PRIM2: variants seen among roughly 807,000 people sequenced by gnomAD.
PRIM2 encodes the protein DNA primase large subunit.
In PRIM2, 39 loss-of-function variants were observed where a neutral mutation model predicts 67.3. That is an observed-to-expected ratio of 0.58 (90% CI 0.45 to 0.76). The LOEUF is 0.76. PRIM2 is among the 30% of genes least tolerant of loss of function. The pLI, the probability that PRIM2 is intolerant of heterozygous loss-of-function variation, is 0.00. For synonymous variants in PRIM2, 143 were observed against 198.7 expected, an observed-to-expected ratio of 0.72 and a Z score of 2.36; for missense variants, 398 against 598.7, an observed-to-expected ratio of 0.66 and a Z score of 3.50.
intron 7 of PRIM2, among the ~76,000 whole-genome samples, chr6:57,395,519 G>C (rs12174210): frequency 1.6e-4 from 25 of 151,992 alleles, no homozygotes; most frequent in African/African-American, 5.8e-4. Context: ...CTCCTGTTTT[G>C]TTTCTTAGTT....
the PRIM2 span, among the ~76,000 whole-genome samples, chr6:57,235,428 C>A: frequency 6.7e-6 from 1 of 149,870 alleles, no homozygotes; most frequent in Non-Finnish European, 1.5e-5. Flanking sequence ...CGCGCCACTG[C>A]GCTCCAGCCT....
At chr6:57,292,772 A>G in the PRIM2 span, among the ~76,000 whole-genome samples, 1 of 152,228 alleles carries the variant, frequency 6.6e-6, no homozygotes, top group East Asian at 1.9e-4. Context: ...GTGCTGGGAA[A>G]ACTGGCTAGT....
At position 57,645,456 on chromosome 6, in the gene PRIM2, T is replaced by G. The variant is rs1284352649; in HGVS notation, c.1300-472T>G. 1.5e-3 allele frequency among the ~76,000 whole-genome samples: 221 copies of G among 151,672 alleles called. 1 individual carries two copies. Among genetic ancestry groups the G allele is most frequent in the African/African-American group, 5.1e-3 (211 of 41,278 alleles). On this transcript the variant is annotated intron_variant, in intron 13 of 13. Coordinates refer to ENST00000615550, the MANE Select transcript of PRIM2 (RefSeq NM_000947.5). ...CCAGAATTGGTAATGTTTTGGGTAT[T>G]GCCAGAATTGAGGGCTTGGTGTAGA...
At chr6:57,613,079 AC>A (rs1175044545) in intron 12 of PRIM2, among the ~76,000 whole-genome samples, 2 of 151,984 alleles carry the variant, frequency 1.3e-5, no homozygotes, top group Non-Finnish European at 1.5e-5. Context: ...ATAGACATGA[AC>A]CACTTAATTT....
At position 57,601,194 on chromosome 6, in the gene PRIM2, T is replaced by G; in HGVS notation, c.1122T>G (p.Asn374Lys). 6.2e-7 allele frequency: 1 copy of G among 1,610,234 alleles called. No homozygotes were observed. The highest frequency in any genetic ancestry group is 8.5e-7 in the Non-Finnish European group (1 of 1,178,398). ...PFSCLKIILS[N>K]PPSQGDYHGC... is the part of the protein sequence containing the mutation. ...GTTGCCTGAAGATTATTCTGTCCAA[T>G]CCACCAAGCCAAGGGGATTATCATG... Residue 374 changes from asparagine to lysine, a missense_variant, in exon 11 of 14, where the codon AAT (asparagine) becomes AAG (lysine). Coordinates refer to ENST00000615550, the MANE Select transcript of PRIM2 (RefSeq NM_000947.5).
intron 7 of PRIM2, among the ~76,000 whole-genome samples, chr6:57,494,703 A>G (rs1773967833): frequency 6.6e-6 from 1 of 152,194 alleles, no homozygotes; most frequent in South Asian, 2.1e-4. Flanking sequence ...TAAAAAGGAG[A>G]TGGAAAAAGG....
chr6:57,241,027 A>G, the PRIM2 span, among the ~76,000 whole-genome samples: 2 of 152,030 alleles, frequency 1.3e-5, no homozygotes, highest in Non-Finnish European at 2.9e-5. Context: ...GATCGAGACC[A>G]TCCTGGCTAA....
intron 7 of PRIM2, among the ~76,000 whole-genome samples, chr6:57,413,344 T>C (rs1284108202): frequency 6.6e-6 from 1 of 151,936 alleles, no homozygotes; most frequent in African/African-American, 2.4e-5. Flanking sequence ...ATAAACTTGG[T>C]ATATAACTTT....
the PRIM2 span, among the ~76,000 whole-genome samples, chr6:57,307,399 A>G: frequency 2.7e-5 from 4 of 150,766 alleles, no homozygotes; most frequent in Non-Finnish European, 4.4e-5. Context: ...GACTATAGGC[A>G]CCCGCCACCA....
At chr6:57,411,158 T>C (rs1195753793) in intron 7 of PRIM2, among the ~76,000 whole-genome samples, 1 of 151,940 alleles carries the variant, frequency 6.6e-6, no homozygotes, top group African/African-American at 2.4e-5. Flanking sequence ...GCTCCTGCTC[T>C]CACCATGTGA....
At chr6:57,542,426 T>C (rs1317232580) in intron 10 of PRIM2, among the ~76,000 whole-genome samples, 4 of 152,358 alleles carry the variant, frequency 2.6e-5, no homozygotes, top group African/African-American at 7.2e-5. Flanking sequence ...CCCTGAGTAC[T>C]AAGTCTTTGG....
intron 7 of PRIM2, among the ~76,000 whole-genome samples, chr6:57,476,730 T>A (rs1263588692): frequency 6.6e-6 from 1 of 152,096 alleles, no homozygotes; most frequent in Non-Finnish European, 1.5e-5. Context: ...AGTAATTGCA[T>A]GATGTGATTA....
At chr6:57,270,694 C>T in the PRIM2 span, among the ~76,000 whole-genome samples, 1 of 152,134 alleles carries the variant, frequency 6.6e-6, no homozygotes, top group Admixed American at 6.5e-5. Flanking sequence ...GAGGGCATCC[C>T]TGTCTTGTGC....
At chr6:57,295,828 T>C in the PRIM2 span, among the ~76,000 whole-genome samples, 1 of 152,140 alleles carries the variant, frequency 6.6e-6, no homozygotes, top group Non-Finnish European at 1.5e-5. Context: ...TTCTACAACA[T>C]ATATCTAAGA....
chr6:57,578,171 G>A (rs1775997150), intron 10 of PRIM2, among the ~76,000 whole-genome samples: 2 of 152,114 alleles, frequency 1.3e-5, no homozygotes, highest in Admixed American at 1.3e-4. Context: ...CCCTCTAAGG[G>A]CATGTGATAT....
chr6:57,318,465 A>T lies in PRIM2; in HGVS notation c.20A>T (p.Lys7Met). MEFSGR[K>M]WRKLRLAGDQ... The stretch of plus-strand genomic sequence containing the variant: ...ACCAAGATGGAGTTTTCTGGAAGAA[A>T]GTGGAGGAAGCTGAGGTTGGCAGGT... The change falls in exon 2 of 14, where the codon AAG (lysine) becomes ATG (methionine). Residue 7 changes from lysine (K) to methionine (M), a missense_variant. Around this residue, in one of 4 missense-constraint regions of PRIM2, gnomAD observed 96 missense variants for 98.3 expected, o/e 0.98. Transcript: ENST00000615550. The T allele has an allele frequency of 2.5e-6, 4 of 1,611,710 alleles. No individual in the cohort carries two copies. The highest frequency in any genetic ancestry group is 3.4e-6 in the Non-Finnish European group (4 of 1,178,946).
rs1426002242 is a variant in PRIM2, at chr6:57,425,563, A to C, written c.693+43395A>C. On this transcript the variant is annotated intron_variant, in intron 7 of 13. Transcript: ENST00000615550. The stretch of plus-strand genomic sequence containing the variant: ...ATAGTATGGTCTAATTTATAACAAC[A>C]TTAGATATTTGAAATATTACTCAAA... Among the ~76,000 whole-genome samples the C allele has an allele frequency of 2.6e-5, 4 of 152,322 alleles. No individual in the cohort carries two copies. The South Asian group carries it at 8.3e-4, about 32-fold the overall frequency.
intron 10 of PRIM2, among the ~76,000 whole-genome samples, chr6:57,540,273 ACACT>A (rs1219490841): frequency 1.3e-5 from 2 of 152,082 alleles, no homozygotes; most frequent in African/African-American, 2.4e-5. Flanking sequence ...AGACATACAC[ACACT>A]CACACACACA....
At chr6:57,575,888 C>T (rs1775955860) in intron 10 of PRIM2, among the ~76,000 whole-genome samples, 1 of 152,148 alleles carries the variant, frequency 6.6e-6, no homozygotes, top group South Asian at 2.1e-4. Context: ...AAGCTATTCT[C>T]CTGCCTCAGC....
Sources: gnomAD v4.1 joint callset for allele counts (sites outside exome capture counted in the v4.1 genomes callset) on GRCh38, gnomAD v4.1.1 for gene constraint, gnomAD v4.1.1 regional missense constraint, MANE v1.5 for transcripts, NCBI Gene and HGNC (gene_info 2026-07-23, HGNC 2026-07-21) for gene names.